The following DGKB variants were observed in gnomAD, a reference collection of about 807,000 sequenced individuals.
DGKB encodes the protein diacylglycerol kinase beta.
A neutral mutation model predicts 114.3 loss-of-function variants in DGKB; 67 were observed. That is an observed-to-expected ratio of 0.59 (90% confidence interval 0.48 to 0.72). The LOEUF (loss-of-function observed/expected upper bound fraction) is 0.72. Among genes scored for constraint, DGKB ranks in the 30% least tolerant of loss-of-function variants. The probability of loss-of-function intolerance (pLI) is 0.00; values close to 1 mark genes in which losing one functional copy is unlikely to be tolerated. For synonymous variants in DGKB, 398 were observed against 323.1 expected (o/e 1.23, Z -2.49); for missense variants, 907 against 975.2 (o/e 0.93, Z 0.93).
intron 9 of DGKB, among the ~76,000 whole-genome samples, chr7:14,687,317 A>T (rs1821888482): frequency 6.6e-6 from 1 of 152,152 alleles, no homozygotes; most frequent in African/African-American, 2.4e-5. Flanking sequence ...CATTGCTCAG[A>T]TTTACCTTTC....
intron 23 of DGKB, among the ~76,000 whole-genome samples, chr7:14,287,754 G>C (rs1801105714): frequency 6.6e-6 from 1 of 152,166 alleles, no homozygotes; most frequent in South Asian, 2.1e-4. Flanking sequence ...CATGGGTCCT[G>C]AAATGGAGCT....
At chr7:14,954,961 G>A (rs557493068) in intron 1 of DGKB, among the ~76,000 whole-genome samples, 6 of 152,078 alleles carry the variant, frequency 3.9e-5, no homozygotes, top group East Asian at 3.9e-4. Flanking sequence ...ATCTACAACT[G>A]AGCCTGAACA....
intron 20 of DGKB, among the ~76,000 whole-genome samples, chr7:14,545,076 C>A (rs1342345427): frequency 2.6e-5 from 4 of 152,004 alleles, no homozygotes; most frequent in African/African-American, 9.7e-5. Context: ...TTCAGCCTCC[C>A]TTTTTATGTT....
At chr7:14,581,261 C>A (rs1417340023) in intron 18 of DGKB, among the ~76,000 whole-genome samples, 2 of 152,162 alleles carry the variant, frequency 1.3e-5, no homozygotes, top group Non-Finnish European at 2.9e-5. Context: ...CTACAATCCT[C>A]AGGGATATTA....
intron 1 of DGKB, among the ~76,000 whole-genome samples, chr7:14,956,561 C>G (rs576531044): frequency 6.6e-6 from 1 of 152,076 alleles, no homozygotes; most frequent in African/African-American, 2.4e-5. Context: ...TTCCTTTAAC[C>G]AAGAATTCAT....
intron 1 of DGKB, among the ~76,000 whole-genome samples, chr7:14,851,983 C>T (rs1586913974): frequency 6.6e-6 from 1 of 152,140 alleles, no homozygotes; most frequent in East Asian, 1.9e-4. Context: ...AGAACAGAAA[C>T]AAGCCAATTC....
At chr7:14,878,600 T>G (rs374664749) in intron 1 of DGKB, among the ~76,000 whole-genome samples, 2 of 151,776 alleles carry the variant, frequency 1.3e-5, no homozygotes, top group East Asian at 3.9e-4. Context: ...AAAAACAAAA[T>G]TAGCTGGGCG....
At chr7:14,919,132 T>C (rs1017225612) in intron 1 of DGKB, among the ~76,000 whole-genome samples, 2 of 123,482 alleles carry the variant, frequency 1.6e-5, no homozygotes, top group African/African-American at 7.7e-5. Flanking sequence ...ACAAAGTTTA[T>C]ATGGAAAGAC....
chr7:14,688,247 G>T (rs756182327), intron 9 of DGKB, among the ~76,000 whole-genome samples: 6 of 152,104 alleles, frequency 3.9e-5, no homozygotes, highest in Non-Finnish European at 7.4e-5. Flanking sequence ...GTCAAAAAAG[G>T]GAATTTATTT....
intron 20 of DGKB, among the ~76,000 whole-genome samples, chr7:14,532,335 C>T (rs997926490): frequency 1.3e-5 from 2 of 150,414 alleles, no homozygotes; most frequent in African/African-American, 4.9e-5. Context: ...AATCAAATGT[C>T]AGAGATTGTC....
chr7:14,245,027 G>A (rs535212970), intron 23 of DGKB, among the ~76,000 whole-genome samples: 8 of 152,116 alleles, frequency 5.3e-5, no homozygotes, highest in East Asian at 3.9e-4. Flanking sequence ...TCACATATGC[G>A]GGAGAGTCAT....
Position 14,885,553 on chromosome 7 carries a change from T to A in DGKB, c.-188+17039A>T, listed in dbSNP as rs114518950. On this transcript the variant is annotated intron_variant, in intron 1 of 25. Transcript: ENST00000402815. ...AATGCAAGGAGTGTACAGTGGCACA[T>A]AGAGATAAAATAAAAGGTGTGCTTC... Among the ~76,000 whole-genome samples, 1,078 of 151,648 alleles carry A rather than the reference T, an allele frequency of 7.1e-3. 9 individuals are homozygous for A. The highest frequency in any genetic ancestry group is 0.024 in the African/African-American group (1,011 of 41,390).
intron 23 of DGKB, among the ~76,000 whole-genome samples, chr7:14,222,211 C>CT (rs1738341180): frequency 6.7e-6 from 1 of 150,188 alleles, no homozygotes; most frequent in Non-Finnish European, 1.5e-5. Flanking sequence ...GTGTGCTCTT[C>CT]TTTTTTTGTT....
intron 21 of DGKB, among the ~76,000 whole-genome samples, chr7:14,431,471 T>A (rs938313181): frequency 2.0e-5 from 3 of 152,148 alleles, no homozygotes; most frequent in African/African-American, 7.2e-5. Flanking sequence ...CTGAAAATGT[T>A]CAGAAATTCA....
At chr7:14,731,810 G>T (rs1830964094) in intron 5 of DGKB, among the ~76,000 whole-genome samples, 1 of 152,170 alleles carries the variant, frequency 6.6e-6, no homozygotes, top group Admixed American at 6.5e-5. Flanking sequence ...TCATTGAACT[G>T]GCAGAGACGA....
intron 13 of DGKB, among the ~76,000 whole-genome samples, chr7:14,655,428 T>C (rs1171368265): frequency 6.6e-6 from 1 of 151,774 alleles, no homozygotes; most frequent in Non-Finnish European, 1.5e-5. Context: ...ATTCATACAT[T>C]GTTGGAAGGA....
At chr7:14,749,886 T>C (rs1169306785) in intron 4 of DGKB, among the ~76,000 whole-genome samples, 1 of 152,222 alleles carries the variant, frequency 6.6e-6, no homozygotes, top group East Asian at 1.9e-4. Flanking sequence ...AGGGGGTTTT[T>C]ATAATGCACA....
intron 1 of DGKB, among the ~76,000 whole-genome samples, chr7:14,843,315 C>CTTTTTTT (rs761304991): frequency 2.6e-5 from 2 of 77,230 alleles, no homozygotes; most frequent in Admixed American, 2.2e-4. Context: ...ATTTTAATAA[C>CTTTTTTT]TTTTTTTTTT....
chr7:14,605,100 T>C (rs1457629950), intron 17 of DGKB, among the ~76,000 whole-genome samples: 2 of 152,052 alleles, frequency 1.3e-5, no homozygotes, highest in Non-Finnish European at 2.9e-5. Flanking sequence ...TGCAGATAAA[T>C]TGATAGATAT....
Sources: allele counts gnomAD v4.1 joint callset (sites outside exome capture counted in the v4.1 genomes callset), GRCh38; gene constraint gnomAD v4.1.1; transcripts MANE v1.5; gene names NCBI Gene and HGNC (gene_info 2026-07-23, HGNC 2026-07-21).